MAP3K1: variants seen among roughly 807,000 people sequenced by gnomAD.
The protein encoded by MAP3K1 is MAP/ERK kinase kinase 1.
MAP3K1 carries 36 observed loss-of-function variants against 144.2 expected under a neutral mutation model. That is an observed-to-expected ratio of 0.25 (90% CI 0.19 to 0.33). MAP3K1 has a LOEUF of 0.33. Among genes scored for constraint, MAP3K1 ranks in the 10% least tolerant of loss-of-function variants. MAP3K1 has a pLI of 1.00. For synonymous variants in MAP3K1, 718 were observed against 688.7 expected (o/e 1.04, Z -0.67); for missense variants, 1,650 against 1,881.9 (o/e 0.88, Z 2.28).
chr5:56,869,896 C>G (rs1747799541), intron 6 of MAP3K1, among the ~76,000 whole-genome samples: 1 of 152,024 alleles, frequency 6.6e-6, no homozygotes, highest in South Asian at 2.1e-4. Flanking sequence ...CTAAGTAGCT[C>G]CATAATTAGG....
intron 3 of MAP3K1, 101 bp from the exon 4 acceptor site, chr5:56,864,633 A>T: frequency 3.9e-6 from 5 of 1,289,936 alleles, no homozygotes; most frequent in Non-Finnish European, 1.1e-6. Context: ...TCGGCCTCCC[A>T]AAGTGCTGGG....
At chr5:56,865,000 C>CT in intron 4 of MAP3K1, 66 bp downstream of exon 4, 3 of 1,360,308 alleles carry the variant, frequency 2.2e-6, no homozygotes, top group Non-Finnish European at 3.1e-6. Context: ...AATTTATATA[C>CT]TATAATGTTC....
rs776214979 is a variant in MAP3K1 at position 56,882,876 on chromosome 5, G to A, written c.3666+10G>A. On this transcript the variant is annotated intron_variant, in intron 14 of 19. Coordinates refer to ENST00000399503, the MANE Select transcript of MAP3K1 (RefSeq NM_005921.2). ...CATTATTCAACAGGATGTAAGTATAGATTCTTTAAGAGGTTAGAAAACTTC... is the reference window on the plus strand; with the variant it reads ...CATTATTCAACAGGATGTAAGTATAAATTCTTTAAGAGGTTAGAAAACTTC... 3.8e-6 allele frequency: 6 copies of A among 1,599,852 alleles called. No individual in the cohort carries two copies. The East Asian group carries it at 8.9e-5, about 24-fold the overall frequency.
chr5:56,877,502 C>G (rs1224917836), intron 10 of MAP3K1, among the ~76,000 whole-genome samples: 3 of 142,660 alleles, frequency 2.1e-5, no homozygotes, highest in African/African-American at 7.9e-5. Context: ...TTTTCCTCTC[C>G]CTCCCTCTGC....
At chr5:56,860,725 T>TGCC in intron 3 of MAP3K1, among the ~76,000 whole-genome samples, 1 of 152,026 alleles carries the variant, frequency 6.6e-6, no homozygotes, top group African/African-American at 2.4e-5. Context: ...TGGTGGCAGA[T>TGCC]GCCTGTAATC....
chr5:56,829,987 C>T (rs1746437620), intron 1 of MAP3K1, among the ~76,000 whole-genome samples: 1 of 152,038 alleles, frequency 6.6e-6, no homozygotes, highest in Non-Finnish European at 1.5e-5. Flanking sequence ...AGCTCAGGTC[C>T]AAAAAAGCAG....
In MAP3K1 at chr5:56,875,253, C is replaced by T. The variant is rs1053306257; in HGVS notation, c.1908C>T (p.Cys636=). ...SISGDVVEAC[C]SVLSMVCADP... is the part of the protein sequence containing the mutation. The stretch of plus-strand genomic sequence containing the variant: ...CAGGAGATGTGGTGGAGGCATGCTG[C>T]AGCGTTCTGTCAATGGTCTGTGCTG... The change falls in exon 10 of 20, where the codon TGC becomes TGT. Residue 636 remains cysteine, a synonymous_variant. Transcript: ENST00000399503. The T allele has an allele frequency of 6.2e-7, 1 of 1,614,146 alleles. No homozygotes were observed. Among genetic ancestry groups the T allele is most frequent in the Non-Finnish European group, 8.5e-7 (1 of 1,180,008 alleles).
At chr5:56,837,004 T>C (rs1422603406) in intron 1 of MAP3K1, among the ~76,000 whole-genome samples, 1 of 152,216 alleles carries the variant, frequency 6.6e-6, no homozygotes, top group East Asian at 1.9e-4. Context: ...CCATTTTTTA[T>C]GCTTATGCTG....
chr5:56,817,649 T>G (rs1746019742), intron 1 of MAP3K1, among the ~76,000 whole-genome samples: 1 of 152,248 alleles, frequency 6.6e-6, no homozygotes. Context: ...CAGATTGTAT[T>G]AAAACTTAAC....
At chr5:56,825,139 C>G (rs1746273520) in intron 1 of MAP3K1, among the ~76,000 whole-genome samples, 1 of 152,042 alleles carries the variant, frequency 6.6e-6, no homozygotes, top group African/African-American at 2.4e-5. Flanking sequence ...TCTTGAGTAG[C>G]TGGGATTACA....
chr5:56,877,259 A>G (rs1245130441), intron 10 of MAP3K1, among the ~76,000 whole-genome samples: 1 of 152,172 alleles, frequency 6.6e-6, no homozygotes, highest in Non-Finnish European at 1.5e-5. Flanking sequence ...TCTTTTTGCT[A>G]GTTCCTTTTC....
chr5:56,841,064 G>A (rs1332972870), intron 1 of MAP3K1, among the ~76,000 whole-genome samples: 1 of 152,048 alleles, frequency 6.6e-6, no homozygotes, highest in African/African-American at 2.4e-5. Flanking sequence ...GTTTAGTAGA[G>A]ATGGGGTTTT....
At position 56,895,751 on chromosome 5, in the gene MAP3K1, C is replaced by T. The variant is rs191603356; in HGVS notation, c.*2071C>T. ...ATCAAAGCTGGACTGGAAATTGTAT[C>T]GTGTAATTATTTTTGTGTTCTTAAT... On this transcript the variant is annotated 3_prime_UTR_variant, in exon 20 of 20. Transcript: ENST00000399503. 9.9e-5 allele frequency: 23 copies of T among 231,752 alleles called. No homozygotes were observed. In the East Asian group the frequency reaches 1.2e-3, roughly 12 times the overall value. 14.4% of individuals were successfully genotyped at this position (231,752 alleles called of 1,614,324 possible). A position where few individuals can be genotyped will look rare whatever the true frequency, so the allele number is the denominator to read the frequency against.
At chr5:56,817,350 A>G (rs1468442199) in intron 1 of MAP3K1, among the ~76,000 whole-genome samples, 2 of 152,164 alleles carry the variant, frequency 1.3e-5, no homozygotes, top group African/African-American at 2.4e-5. Context: ...ATGAGAAGAA[A>G]GCGTGTCATT....
chr5:56,862,050 A>G (rs1159881317), intron 3 of MAP3K1: 1 of 149,926 alleles, frequency 6.7e-6, no homozygotes, highest in African/African-American at 2.5e-5. Context: ...GTTAACTTAA[A>G]ACAATAATCA....
At chr5:56,870,959 G>T (rs1747832214) in intron 6 of MAP3K1, among the ~76,000 whole-genome samples, 1 of 152,090 alleles carries the variant, frequency 6.6e-6, no homozygotes, top group African/African-American at 2.4e-5. Flanking sequence ...GTCTATATGA[G>T]AACCTGGTTT....
intron 2 of MAP3K1, among the ~76,000 whole-genome samples, chr5:56,858,243 C>T (rs1305253003): frequency 1.3e-5 from 2 of 152,184 alleles, no homozygotes; most frequent in Non-Finnish European, 2.9e-5. Context: ...GTTCAAACAG[C>T]CTAAATCTTT....
At position 56,872,710 on chromosome 5, in the gene MAP3K1, A is replaced by G; in HGVS notation, c.1493A>G (p.His498Arg). 1 of 1,602,894 alleles carries G rather than the reference A, an allele frequency of 6.2e-7. No individual in the cohort carries two copies. The highest frequency in any genetic ancestry group is 8.5e-7 in the Non-Finnish European group (1 of 1,170,216). Residue 498 changes from histidine to arginine, a missense_variant, in exon 8 of 20, where the codon CAT (histidine) becomes CGT (arginine). Physicochemically the swap from His to Arg is conservative, Grantham distance 29. Transcript: ENST00000399503. Reference sequence around the variant, plus strand: ...CTTTGTAGATCTAAGTGGAGATCTCATGATTTCTACAGGTAATAATTTTGA... The same window carrying G: ...CTTTGTAGATCTAAGTGGAGATCTCGTGATTTCTACAGGTAATAATTTTGA... ...CPLCRSKWRS[H>R]DFYSHELSSP...
intron 1 of MAP3K1, among the ~76,000 whole-genome samples, chr5:56,819,405 A>G (rs1746083793): frequency 6.7e-6 from 1 of 148,226 alleles, no homozygotes; most frequent in South Asian, 2.2e-4. Flanking sequence ...AAAATGTGGG[A>G]AGAAAGGAGT....
Sources: allele counts gnomAD v4.1 joint callset (sites outside exome capture counted in the v4.1 genomes callset), GRCh38; gene constraint gnomAD v4.1.1; transcripts MANE v1.5; gene names NCBI Gene and HGNC (gene_info 2026-07-23, HGNC 2026-07-21).